Variants in USP6 observed in about 807,000 individuals in gnomAD.
USP6 encodes the protein ubiquitin specific peptidase 6.
A neutral mutation model predicts 175.7 loss-of-function variants in USP6; 128 were observed. The ratio of observed to expected loss-of-function variants is 0.73; its 90% CI spans 0.63 to 0.84. USP6 has a LOEUF of 0.84. Among genes scored for constraint, USP6 ranks in the 40% least tolerant of loss-of-function variants. The pLI, the probability that USP6 is intolerant of heterozygous loss-of-function variation, is 0.00. For missense variants in USP6, 1,498 were observed against 1,760.3 expected (o/e 0.85, Z 2.67); for synonymous variants, 562 against 630.6 (o/e 0.89, Z 1.63).
At chr17:5,134,017 C>T (rs376493002) in intron 15 of USP6, 21 bp downstream of exon 15, 47 of 1,607,568 alleles carry the variant, frequency 2.9e-5, no homozygotes, top group Non-Finnish European at 3.7e-5. Context: ...GGGAGCCACA[C>T]AGTCCCAGCA....
At chr17:5,136,087 C>T (rs975935840) in intron 17 of USP6, among the ~76,000 whole-genome samples, 159 bp downstream of exon 17, 4 of 152,236 alleles carry the variant, frequency 2.6e-5, no homozygotes, top group African/African-American at 9.6e-5. Context: ...GAGTCCGCAG[C>T]TGACCCCCAC....
intron 33 of USP6, among the ~76,000 whole-genome samples, chr17:5,167,160 CT>C (rs1222959042): frequency 2.6e-5 from 4 of 152,194 alleles, no homozygotes; most frequent in Admixed American, 1.3e-4. Flanking sequence ...TCATGGTGAG[CT>C]TTTCTGTGCC....
At chr17:5,168,267 T>G in intron 34 of USP6, 144 bp downstream of exon 34, 3 of 1,037,028 alleles carry the variant, frequency 2.9e-6, no homozygotes, top group Non-Finnish European at 2.7e-6. Context: ...GGTTTTTATG[T>G]TGAATACAGA....
chr17:5,131,897 G>A (rs557570922), intron 11 of USP6, among the ~76,000 whole-genome samples: 60 of 152,234 alleles, frequency 3.9e-4, no homozygotes, highest in African/African-American at 1.3e-3. Context: ...ATGCTGAGAC[G>A]TCAGAACCTG....
rs11658877 is a variant in USP6 at position 5,169,021 on chromosome 17, C to T, written c.3483C>T (p.Ser1161=). The change falls in exon 35 of 38, where the codon TCC becomes TCT. Residue 1161 remains serine, a synonymous_variant. Coordinates refer to ENST00000574788, the MANE Select transcript of USP6 (RefSeq NM_001304284.2). ...KEDMLLSKSP[S]SLSANISSSP... ...ACATGCTCCTAAGCAAAAGCCCATC[C>T]TCACTCAGCGCTAACATCAGCAGCA... 0.58 allele frequency: 933,972 copies of T among 1,613,018 alleles called. 287,873 individuals are homozygous for T. Among genetic ancestry groups the T allele is most frequent in the Non-Finnish European group, 0.65 (763,843 of 1,179,494 alleles).
At chr17:5,153,793 C>T (rs892296620) in intron 30 of USP6, among the ~76,000 whole-genome samples, 1 of 152,060 alleles carries the variant, frequency 6.6e-6, no homozygotes, top group Non-Finnish European at 1.5e-5. Flanking sequence ...GTAGCTGGGA[C>T]TACAGGCGCG....
In USP6 at chr17:5,162,958, G is replaced by A. The variant is rs1246752358; in HGVS notation, c.2990G>A (p.Trp997Ter). The change falls in exon 33 of 38, where the codon TGG becomes TAG. Residue 997 changes from tryptophan (W) to a stop codon, truncating the protein, a stop_gained. Transcript: ENST00000574788. LOFTEE classifies it high-confidence loss of function. The part of the protein sequence containing the change: ...FIGNAYIAVD[W>*]HPTALHLRYQ... Reference sequence around the variant, plus strand: ...GGAAATGCCTATATTGCTGTGGATTGGCACCCCACAGCCCTTCACCTTCGC... The same window carrying A: ...GGAAATGCCTATATTGCTGTGGATTAGCACCCCACAGCCCTTCACCTTCGC... 6.2e-7 allele frequency: 1 copy of A among 1,605,374 alleles called. No homozygotes were observed.
intron 16 of USP6, 68 bp from the exon 17 acceptor site, chr17:5,135,740 A>T (rs1428017824): frequency 1.9e-5 from 31 of 1,596,820 alleles, no homozygotes; most frequent in African/African-American, 2.7e-5. Context: ...CTCCAATGAC[A>T]TGAGTCCTCC....
At chr17:5,120,877 T>C (rs963244647) in intron 3 of USP6, 89 bp downstream of exon 3, 2 of 454,470 alleles carry the variant, frequency 4.4e-6, no homozygotes, top group African/African-American at 4.0e-5. Flanking sequence ...ATCCACAGGC[T>C]GTCCCAGTTG....
chr17:5,147,174 C>T lies in USP6; in HGVS notation c.2411C>T (p.Ala804Val), dbSNP rs971991989. ...EIPVPSSPIS[A>V]SSPTQIDFSS... is the part of the protein sequence containing the mutation. ...CCTGTCCCTTCATCTCCAATTTCAG[C>T]TTCTAGTCCAACACAAATAGGTAAG... is the stretch of plus-strand genomic sequence containing the variant. The change falls in exon 29 of 38, where the codon GCT becomes GTT. Residue 804 changes from alanine (A) to valine (V), a missense_variant. By Grantham distance (64) the Ala-to-Val change is moderately conservative. Coordinates refer to ENST00000574788, the MANE Select transcript of USP6 (RefSeq NM_001304284.2). 6.2e-7 allele frequency: 1 copy of T among 1,613,332 alleles called. No homozygotes were observed. The highest frequency in any genetic ancestry group is 2.2e-5 in the East Asian group (1 of 44,792).
intron 3 of USP6, 36 bp downstream of exon 3, chr17:5,120,824 T>C (rs2072637869): frequency 2.2e-6 from 1 of 453,378 alleles, no homozygotes; most frequent in Admixed American, 2.4e-5. Context: ...TGCACACATG[T>C]GGGCACATGT....
intron 16 of USP6, 62 bp from the exon 17 acceptor site, chr17:5,135,746 C>T (rs2073232314): frequency 1.3e-6 from 2 of 1,597,040 alleles, no homozygotes; most frequent in Non-Finnish European, 1.7e-6. Context: ...TGACATGAGT[C>T]CTCCCAGGTG....
rs757889535 is a variant in USP6, at chr17:5,130,431, T to C, written c.64T>C (p.Tyr22His). The change falls in exon 10 of 38, where the codon TAT becomes CAT. Residue 22 changes from tyrosine to histidine, a missense_variant. By Grantham distance (83) the Tyr-to-His change is moderately conservative. This residue lies in a region of USP6 where 281 missense variants were observed against 259.6 expected (regional missense o/e 1.08). Coordinates refer to ENST00000574788, the MANE Select transcript of USP6 (RefSeq NM_001304284.2). ...AQERKDILMK[Y>H]DKGHRAGLPE... ...GGAGCGGAAGGACATACTTATGAAG[T>C]ATGACAAGGTACAGTTCGGTCTGCT... 1.9e-6 allele frequency: 3 copies of C among 1,614,056 alleles called. No individual in the cohort carries two copies. The highest frequency in any genetic ancestry group is 2.2e-5 in the South Asian group (2 of 91,068).
rs1436155986 is a variant in USP6 at position 5,160,683 on chromosome 17, A to G, written c.2829-845A>G. Among the ~76,000 whole-genome samples the G allele has an allele frequency of 3.9e-5, 6 of 152,214 alleles. No individual in the cohort carries two copies. The East Asian group carries it at 1.2e-3, about 29-fold the overall frequency. Reference sequence around the variant, plus strand: ...TGCTATTGTGAATAGTGCTGCAATAAACACACGTGTGCATGTGTCTTTCTA... The same window carrying G: ...TGCTATTGTGAATAGTGCTGCAATAGACACACGTGTGCATGTGTCTTTCTA... On this transcript the variant is annotated intron_variant, in intron 31 of 37. Transcript: ENST00000574788.
chr17:5,130,434 G>A lies in USP6; in HGVS notation c.67G>A (p.Asp23Asn). 6.2e-7 allele frequency: 1 copy of A among 1,614,096 alleles called. No individual in the cohort carries two copies. The highest frequency in any genetic ancestry group is 8.5e-7 in the Non-Finnish European group (1 of 1,180,004). Residue 23 changes from aspartate to asparagine, a missense_variant, in exon 10 of 38, where the codon GAC becomes AAC. Transcript: ENST00000574788. The stretch of plus-strand genomic sequence containing the variant: ...GCGGAAGGACATACTTATGAAGTAT[G>A]ACAAGGTACAGTTCGGTCTGCTCCT... ...QERKDILMKY[D>N]KGHRAGLPED...
Position 5,146,619 on chromosome 17 carries a change from T to G in USP6, c.2319+445T>G, listed in dbSNP as rs2289100. On this transcript the variant is annotated intron_variant, in intron 28 of 37. Transcript: ENST00000574788. ...CTAAGAAATTAAGAGTAAAGACAAA[T>G]TGACACCAATCATGTCTTTCTACAA... Among the ~76,000 whole-genome samples, 14 of 152,314 alleles carry G rather than the reference T, an allele frequency of 9.2e-5. No homozygotes were observed. In the East Asian group the frequency reaches 2.5e-3, roughly 27 times the overall value.
rs1174344527 is a variant in USP6, at chr17:5,135,852, C to A, written c.588C>A (p.Phe196Leu). 2 of 1,599,378 alleles carry A rather than the reference C, an allele frequency of 1.3e-6. No individual in the cohort carries two copies. The highest frequency in any genetic ancestry group is 1.7e-5 in the Admixed American group (1 of 60,014). ...CRDLSHITAL[F>L]LLYLPEEDAF... ...ACCTGAGCCACATCACCGCCTTGTTCCTCCTTTATCTGCCTGAGGAGGACG... is the reference window on the plus strand; with the variant it reads ...ACCTGAGCCACATCACCGCCTTGTTACTCCTTTATCTGCCTGAGGAGGACG... The change falls in exon 17 of 38, where the codon TTC (phenylalanine) becomes TTA (leucine). Residue 196 changes from phenylalanine to leucine, a missense_variant. Around this residue, in one of 2 missense-constraint regions of USP6, gnomAD observed 281 missense variants for 259.6 expected, o/e 1.08. Coordinates refer to ENST00000574788, the MANE Select transcript of USP6 (RefSeq NM_001304284.2).
intron 7 of USP6, chr17:5,128,255 C>T (rs909418788): frequency 4.6e-5 from 7 of 152,190 alleles, no homozygotes; most frequent in African/African-American, 9.7e-5. Flanking sequence ...AAAGTGGGCC[C>T]CTACTGTGTG....
At chr17:5,117,374 G>T (rs2072561207) in intron 1 of USP6, among the ~76,000 whole-genome samples, 1 of 151,962 alleles carries the variant, frequency 6.6e-6, no homozygotes, top group Non-Finnish European at 1.5e-5. Flanking sequence ...AAATTAGCCG[G>T]GTGTGGAGGC....
Sources: gnomAD v4.1 joint callset for allele counts (sites outside exome capture counted in the v4.1 genomes callset) on GRCh38, gnomAD v4.1.1 for gene constraint, gnomAD v4.1.1 regional missense constraint, MANE v1.5 for transcripts, NCBI Gene and HGNC (gene_info 2026-07-23, HGNC 2026-07-21) for gene names.